The following TNS4 variants were observed in gnomAD, a reference collection of about 807,000 sequenced individuals.
The protein encoded by TNS4 is tensin 4.
In TNS4, 46 loss-of-function variants were observed where a neutral mutation model predicts 70.4. That is an observed-to-expected ratio of 0.65 (90% CI 0.52 to 0.84). The LOEUF (loss-of-function observed/expected upper bound fraction) is 0.84, where lower values mean the gene tolerates loss of function less well. TNS4 is among the 40% of genes least tolerant of loss of function. TNS4 has a pLI of 0.00. For missense variants in TNS4, 863 were observed against 907.0 expected (o/e 0.95, Z 0.62); for synonymous variants, 390 against 366.6 (o/e 1.06, Z -0.73).
rs2035859705 is a variant in TNS4, at chr17:40,477,313, G to C, written c.*275C>G. On this transcript the variant is annotated 3_prime_UTR_variant, in exon 13 of 13. Coordinates refer to ENST00000254051, the MANE Select transcript of TNS4 (RefSeq NM_032865.6). ...GAGGTGTGCATGCTTCAGAATCATGGAGGAGCATGTTCAAATGCCCACCAG... is the reference window on the plus strand; with the variant it reads ...GAGGTGTGCATGCTTCAGAATCATGCAGGAGCATGTTCAAATGCCCACCAG... 2.4e-6 allele frequency: 1 copy of C among 418,412 alleles called. No homozygotes were observed. The highest frequency in any genetic ancestry group is 4.3e-6 in the Non-Finnish European group (1 of 231,542). The allele number at this position is 418,412 out of a possible 1,614,324, so 25.9% of individuals were successfully genotyped here. A position where few individuals can be genotyped will look rare whatever the true frequency, so the allele number is the denominator to read the frequency against.
intron 2 of TNS4, 123 bp from the exon 3 acceptor site, chr17:40,489,092 G>A: frequency 1.1e-6 from 1 of 917,218 alleles, no homozygotes; most frequent in Non-Finnish European, 1.5e-6. Flanking sequence ...GGACACTGAG[G>A]CCCAGAGAGG....
chr17:40,493,881 G>A (rs2036106882), intron 2 of TNS4, among the ~76,000 whole-genome samples: 1 of 152,264 alleles, frequency 6.6e-6, no homozygotes, highest in African/African-American at 2.4e-5. Context: ...TGGACATGTG[G>A]AAATCCAGTC....
chr17:40,484,747 C>T, intron 5 of TNS4, 138 bp from the exon 6 acceptor site: 1 of 1,433,826 alleles, frequency 7.0e-7, no homozygotes, highest in Non-Finnish European at 9.5e-7. Context: ...CAAATCTCCA[C>T]CATTCTTGCT....
At chr17:40,482,289 C>T (rs759993290) in intron 7 of TNS4, 35 bp downstream of exon 7, 1 of 1,614,012 alleles carries the variant, frequency 6.2e-7, no homozygotes, top group East Asian at 2.2e-5. Context: ...GCTGGCCCCC[C>T]ATCCCGGGGG....
chr17:40,481,998 G>A (rs2035927109), intron 8 of TNS4, 131 bp downstream of exon 8: 1 of 1,005,240 alleles, frequency 9.9e-7, no homozygotes, highest in Non-Finnish European at 1.4e-6. Flanking sequence ...GAGATGTTGA[G>A]CGACTCCAGT....
Position 40,496,533 on chromosome 17 carries a change from A to C in TNS4, c.-95-13T>G. The C allele has an allele frequency of 8.3e-7, 1 of 1,206,534 alleles. No homozygotes were observed. Among genetic ancestry groups the C allele is most frequent in the Non-Finnish European group, 1.1e-6 (1 of 885,702 alleles). 74.7% of individuals were successfully genotyped at this position (1,206,534 alleles called of 1,614,324 possible). Reference sequence around the variant, plus strand: ...GAGCTCCCAGGATCTGAAAGAGTCCAAGAGTGGGAACGGAGTAATTTCTGT... The same window carrying C: ...GAGCTCCCAGGATCTGAAAGAGTCCCAGAGTGGGAACGGAGTAATTTCTGT... On this transcript the variant is annotated splice_polypyrimidine_tract_variant and intron_variant, in intron 1 of 12. Coordinates refer to ENST00000254051, the MANE Select transcript of TNS4 (RefSeq NM_032865.6).
chr17:40,481,714 C>T (rs977468863), intron 8 of TNS4, among the ~76,000 whole-genome samples: 1 of 152,222 alleles, frequency 6.6e-6, no homozygotes, highest in Non-Finnish European at 1.5e-5. Flanking sequence ...AAGTCTACTT[C>T]ACAAGCTTGT....
intron 9 of TNS4, 85 bp downstream of exon 9, chr17:40,480,615 C>A: frequency 7.8e-7 from 1 of 1,280,538 alleles, no homozygotes; most frequent in Non-Finnish European, 1.0e-6. Flanking sequence ...TGCGTGTGTG[C>A]GTGCATGCGT....
chr17:40,478,067 C>T, intron 12 of TNS4: 2 of 618,724 alleles, frequency 3.2e-6, no homozygotes, highest in African/African-American at 3.7e-5. Flanking sequence ...GCTTGAGGCT[C>T]CCTGAAGTTA....
rs891349202 is a variant in TNS4, at chr17:40,486,892, C to T, written c.1288+144G>A. ...TTTTGTCTCTTTCTAAACTGTTTCC[C>T]TCTGTGTGTCCTCACTACCTGGCAT... On this transcript the variant is annotated intron_variant, in intron 4 of 12. Transcript: ENST00000254051. The T allele has an allele frequency of 6.5e-6, 7 of 1,082,424 alleles. No homozygotes were observed. The African/African-American group carries it at 1.1e-4, about 17-fold the overall frequency. 67.1% of individuals were successfully genotyped at this position (1,082,424 alleles called of 1,614,324 possible).
At position 40,484,971 on chromosome 17, in the gene TNS4, A is replaced by C. The variant is rs2035972470; in HGVS notation, c.1325T>G (p.Val442Gly). ...ARDMQPTMKFVMDTSKYWFKP... is the reference protein window; with the variant it reads ...ARDMQPTMKFGMDTSKYWFKP... ...AAACCAGTATTTAGATGTGTCCATC[A>C]CGAACTTCATGGTGGGCTGCATGTC... is the stretch of plus-strand genomic sequence containing the variant. Residue 442 changes from valine to glycine, a missense_variant, in exon 5 of 13, where the codon GTG becomes GGG. Physicochemically the swap from Val to Gly is moderately radical, Grantham distance 109. Coordinates refer to ENST00000254051, the MANE Select transcript of TNS4 (RefSeq NM_032865.6). 1 of 1,614,100 alleles carries C rather than the reference A, an allele frequency of 6.2e-7. No homozygotes were observed. The highest frequency in any genetic ancestry group is 1.7e-5 in the Admixed American group (1 of 60,012).
intron 7 of TNS4, 41 bp from the exon 8 acceptor site, chr17:40,482,247 C>A (rs2035931188): frequency 1.2e-6 from 2 of 1,613,752 alleles, no homozygotes. Flanking sequence ...AGAGCTTCCC[C>A]AACCCACCCC....
rs530846988 is a variant in TNS4, at chr17:40,476,369, C to CGTGTGTGTGTGTGTGT, written c.*1203_*1218dup. 30 of 92,908 alleles carry CGTGTGTGTGTGTGTGT rather than the reference C, an allele frequency of 3.2e-4. 2 individuals carry two copies. The highest frequency in any genetic ancestry group is 3.1e-3 in the Admixed American group (24 of 7,746). The allele number at this position is 92,908 out of a possible 1,614,324, so 5.8% of individuals were successfully genotyped here. Reference sequence around the variant, plus strand: ...TTGAAGCCACATAGCAGTAGAGGGGCGTGTGTGTGTGTGTGTGTGTGTGTG... The same window carrying CGTGTGTGTGTGTGTGT: ...TTGAAGCCACATAGCAGTAGAGGGGCGTGTGTGTGTGTGTGTGTGTGTGTGTGTGTGTGTGTGTGTG... On this transcript the variant is annotated 3_prime_UTR_variant, in exon 13 of 13. Coordinates refer to ENST00000254051, the MANE Select transcript of TNS4 (RefSeq NM_032865.6).
At chr17:40,488,991 C>G in intron 2 of TNS4, 22 bp from the exon 3 acceptor site, 1 of 1,538,358 alleles carries the variant, frequency 6.5e-7, no homozygotes, top group Non-Finnish European at 8.7e-7. Flanking sequence ...AAAAGCAGAG[C>G]ATTGGTGAAA....
At chr17:40,484,860 C>T in intron 5 of TNS4, 61 bp downstream of exon 5, 1 of 1,581,654 alleles carries the variant, frequency 6.3e-7, no homozygotes, top group Non-Finnish European at 8.7e-7. Context: ...ACCCAGGGCC[C>T]TGCCTGATGC....
chr17:40,491,877 C>T (rs1162624903), intron 2 of TNS4, among the ~76,000 whole-genome samples: 1 of 152,114 alleles, frequency 6.6e-6, no homozygotes, highest in Non-Finnish European at 1.5e-5. Flanking sequence ...TTATTAAATA[C>T]CCTTCACTTG....
intron 1 of TNS4, among the ~76,000 whole-genome samples, chr17:40,497,103 G>C (rs1057378926): frequency 1.3e-5 from 2 of 152,152 alleles, no homozygotes; most frequent in African/African-American, 4.8e-5. Context: ...CACTTGGGCC[G>C]GTTGGTGAAA....
Position 40,477,410 on chromosome 17 carries a change from G to T in TNS4, c.*178C>A. 1.4e-6 allele frequency: 1 copy of T among 714,032 alleles called. No homozygotes were observed. The highest frequency in any genetic ancestry group is 2.2e-6 in the Non-Finnish European group (1 of 453,950). The allele number at this position is 714,032 out of a possible 1,614,324, so 44.2% of individuals were successfully genotyped here. A position where few individuals can be genotyped will look rare whatever the true frequency, so the allele number is the denominator to read the frequency against. ...AGGAAACTGAGGCCCGGGGGGTCTG[G>T]ATGATGGTGACTGCTGAAGGCCATA... On this transcript the variant is annotated 3_prime_UTR_variant, in exon 13 of 13. Coordinates refer to ENST00000254051, the MANE Select transcript of TNS4 (RefSeq NM_032865.6).
intron 3 of TNS4, among the ~76,000 whole-genome samples, chr17:40,487,938 C>T (rs1198390540): frequency 2.0e-5 from 3 of 152,220 alleles, no homozygotes; most frequent in Non-Finnish European, 4.4e-5. Flanking sequence ...GGGGCCTGTG[C>T]CAGTGGGCAT....
Sources: gnomAD v4.1 joint callset for allele counts (sites outside exome capture counted in the v4.1 genomes callset) on GRCh38, gnomAD v4.1.1 for gene constraint, MANE v1.5 for transcripts, NCBI Gene and HGNC (gene_info 2026-07-23, HGNC 2026-07-21) for gene names.